Variants in NUAK1 observed in about 807,000 individuals in gnomAD.
NUAK1 encodes the protein NUAK family kinase 1.
In NUAK1, 26 loss-of-function variants were observed where a neutral mutation model predicts 56.9. The observed-to-expected ratio is 0.46, with a 90% confidence interval of 0.33 to 0.63. The LOEUF is 0.63. Among genes scored for constraint, NUAK1 ranks in the 30% least tolerant of loss-of-function variants. The pLI is 0.02. For missense variants in NUAK1, 727 were observed against 876.1 expected (o/e 0.83, Z 2.15); for synonymous variants, 337 against 336.0 (o/e 1.00, Z -0.03).
At chr12:106,115,017 T>C (rs368257437) in intron 1 of NUAK1, among the ~76,000 whole-genome samples, 1 of 152,246 alleles carries the variant, frequency 6.6e-6, no homozygotes, top group African/African-American at 2.4e-5. Context: ...TTCTGAAGAC[T>C]GATTTAATAT....
At chr12:106,077,876 G>T (rs2032479636) in intron 4 of NUAK1, among the ~76,000 whole-genome samples, 1 of 152,178 alleles carries the variant, frequency 6.6e-6, no homozygotes, top group African/African-American at 2.4e-5. Flanking sequence ...TGGAAGTGCT[G>T]GTACCAAACC....
intron 1 of NUAK1, among the ~76,000 whole-genome samples, chr12:106,133,074 A>C (rs1249366265): frequency 6.6e-6 from 1 of 152,204 alleles, no homozygotes; most frequent in Non-Finnish European, 1.5e-5. Context: ...CTCAAGAAGT[A>C]TTAGTTGCTA....
rs147705634 is a variant in NUAK1 at position 106,067,698 on chromosome 12, G to T, written c.1090C>A (p.Arg364=). The change falls in exon 7 of 7, where the codon CGG becomes AGG. Residue 364 remains arginine (R), a synonymous_variant. Transcript: ENST00000261402. The surrounding 1 kb of genome is among the most constrained non-coding windows in gnomAD (Gnocchi z 6.0). ...KPTTSEVMLE[R]QRSLKKSKKE... is the part of the protein sequence containing the mutation. ...TTGGATTTCTTCAGCGACCGCTGCC[G>T]CTCTAGCATGACCTCAGAGGTCGTG... 2 of 1,614,198 alleles carry T rather than the reference G, an allele frequency of 1.2e-6. No homozygotes were observed. The highest frequency in any genetic ancestry group is 1.7e-6 in the Non-Finnish European group (2 of 1,180,036).
intron 2 of NUAK1, among the ~76,000 whole-genome samples, chr12:106,100,779 T>A (rs1027264385): frequency 5.3e-5 from 8 of 152,224 alleles, no homozygotes; most frequent in African/African-American, 1.4e-4. Flanking sequence ...CATACAGGGT[T>A]AGGCACATCA....
chr12:106,130,872 C>T (rs1045709301), intron 1 of NUAK1, among the ~76,000 whole-genome samples: 3 of 152,222 alleles, frequency 2.0e-5, no homozygotes, highest in Non-Finnish European at 4.4e-5. Flanking sequence ...TATGTCACCT[C>T]GGTGCTTCCT....
At chr12:106,135,436 T>C (rs1294569304) in intron 1 of NUAK1, among the ~76,000 whole-genome samples, 2 of 152,230 alleles carry the variant, frequency 1.3e-5, no homozygotes, top group African/African-American at 4.8e-5. Context: ...ACATAGAAAA[T>C]GATGCTGTGT....
chr12:106,107,658 ATCACACAG>A (rs2032815738), intron 1 of NUAK1, among the ~76,000 whole-genome samples: 1 of 152,222 alleles, frequency 6.6e-6, no homozygotes, highest in Non-Finnish European at 1.5e-5. Context: ...CACCTTGCCT[ATCACACAG>A]TCAACCCCAG....
chr12:106,097,095 G>A (rs1010002991), intron 2 of NUAK1, among the ~76,000 whole-genome samples: 1 of 152,132 alleles, frequency 6.6e-6, no homozygotes, highest in African/African-American at 2.4e-5. Flanking sequence ...CCCTGGCACG[G>A]TACTTAGCAA....
At chr12:106,123,598 C>G (rs1158881680) in intron 1 of NUAK1, among the ~76,000 whole-genome samples, 2 of 152,196 alleles carry the variant, frequency 1.3e-5, no homozygotes, top group African/African-American at 2.4e-5. Context: ...TATCAAATGC[C>G]TCTCACCCAA....
intron 2 of NUAK1, among the ~76,000 whole-genome samples, chr12:106,096,501 A>G (rs1002897843): frequency 2.0e-5 from 3 of 152,202 alleles, no homozygotes; most frequent in Non-Finnish European, 4.4e-5. Flanking sequence ...CTCAGTTTGG[A>G]TCCAGTCTGC....
chr12:106,112,281 G>A (rs955871599), intron 1 of NUAK1, among the ~76,000 whole-genome samples: 3 of 152,074 alleles, frequency 2.0e-5, no homozygotes, highest in Admixed American at 1.3e-4. Context: ...TGCAGGGCAC[G>A]AAGTCAGAGG....
intron 1 of NUAK1, among the ~76,000 whole-genome samples, chr12:106,125,914 C>CTG (rs2033021176): frequency 3.9e-5 from 6 of 151,918 alleles, no homozygotes; most frequent in Admixed American, 1.3e-4. Context: ...ATTAGTCTCC[C>CTG]CCCTGCATGC....
chr12:106,064,026 G>A lies in NUAK1; in HGVS notation c.*2776C>T, dbSNP rs1384533620. ...GTGTAATTCTACCCCTTTGGCAGAT[G>A]TGTAAACTAAGACGGTGCAAGGCCC... On this transcript the variant is annotated 3_prime_UTR_variant, in exon 7 of 7. Transcript: ENST00000261402. 2 of 152,648 alleles carry A rather than the reference G, an allele frequency of 1.3e-5. No individual in the cohort carries two copies. Among genetic ancestry groups the A allele is most frequent in the Non-Finnish European group, 2.9e-5 (2 of 68,054 alleles). The allele number at this position is 152,648 out of a possible 1,614,324, so 9.5% of individuals were successfully genotyped here.
chr12:106,116,171 T>C (rs2032914950), intron 1 of NUAK1, among the ~76,000 whole-genome samples: 1 of 152,218 alleles, frequency 6.6e-6, no homozygotes, highest in African/African-American at 2.4e-5. Flanking sequence ...AAAAAGCTGT[T>C]GCTAAAATGG....
At chr12:106,099,821 C>A (rs1329049622) in intron 2 of NUAK1, among the ~76,000 whole-genome samples, 1 of 151,650 alleles carries the variant, frequency 6.6e-6, no homozygotes, top group Non-Finnish European at 1.5e-5. Flanking sequence ...GATGGGGTCT[C>A]ACTCTGTCAC....
chr12:106,109,173 G>A (rs1293317638), intron 1 of NUAK1, among the ~76,000 whole-genome samples: 2 of 152,222 alleles, frequency 1.3e-5, no homozygotes, highest in Admixed American at 1.3e-4. Flanking sequence ...TCTACTCCCA[G>A]AGTGGTGGCG....
In NUAK1 at chr12:106,067,004, C is replaced by A. The variant is rs141618950; in HGVS notation, c.1784G>T (p.Arg595Leu). 1.7e-3 allele frequency: 2,755 copies of A among 1,614,218 alleles called. 5 individuals are homozygous for A. The highest frequency in any genetic ancestry group is 2.2e-3 in the Non-Finnish European group (2,621 of 1,180,038). ...LLDLQENRPA[R>L]QRIRSCVSAE... ...AGAGACGCAGCTGCGGATGCGCTGG[C>A]GGGCAGGGCGATTCTCCTGCAAATC... Residue 595 changes from arginine to leucine, a missense_variant, in exon 7 of 7, where the codon CGC (arginine) becomes CTC (leucine). Physicochemically the swap from Arg to Leu is moderately radical, Grantham distance 102 (BLOSUM62 -2). Coordinates refer to ENST00000261402, the MANE Select transcript of NUAK1 (RefSeq NM_014840.3). This position sits in a 1 kb window ranked among gnomAD's most constrained non-coding sequence, Gnocchi z 6.0.
chr12:106,129,015 T>A (rs1186143995), intron 1 of NUAK1, among the ~76,000 whole-genome samples: 1 of 152,246 alleles, frequency 6.6e-6, no homozygotes, highest in Non-Finnish European at 1.5e-5. Context: ...TTGCACACTC[T>A]GCAGAGCTGA....
Position 106,138,293 on chromosome 12 carries a change from C to G in NUAK1, c.240+121G>C, listed in dbSNP as rs570772951. The G allele has an allele frequency of 8.5e-5, 114 of 1,345,054 alleles. No individual in the cohort carries two copies. The highest frequency in any genetic ancestry group is 1.1e-4 in the Non-Finnish European group (109 of 1,016,000). The allele number at this position is 1,345,054 out of a possible 1,614,324, so 83.3% of individuals were successfully genotyped here. A position where few individuals can be genotyped will look rare whatever the true frequency, so the allele number is the denominator to read the frequency against. ...AGTGAGGAGTCTGTCTCGGGGCTTC[C>G]CAATGAGCCCCCTCTCTGTCAAGAG... is the stretch of plus-strand genomic sequence containing the variant. On this transcript the variant is annotated intron_variant, in intron 1 of 6. Coordinates refer to ENST00000261402, the MANE Select transcript of NUAK1 (RefSeq NM_014840.3). The surrounding 1 kb of genome is among the most constrained non-coding windows in gnomAD (Gnocchi z 5.0).
Sources: allele counts gnomAD v4.1 joint callset (sites outside exome capture counted in the v4.1 genomes callset), GRCh38; gene constraint gnomAD v4.1.1; non-coding constraint Gnocchi (gnomAD v3.1); transcripts MANE v1.5; gene names NCBI Gene and HGNC (gene_info 2026-07-23, HGNC 2026-07-21).